VPS13A: variants seen among roughly 807,000 people sequenced by gnomAD.
VPS13A encodes intermembrane lipid transfer protein VPS13A.
Under a neutral mutation model 390.9 loss-of-function variants are expected in VPS13A, and 264 were observed. The ratio of observed to expected loss-of-function variants is 0.68; its 90% CI spans 0.61 to 0.75. The LOEUF (loss-of-function observed/expected upper bound fraction) is 0.75, where lower values mean the gene tolerates loss of function less well. VPS13A is among the 30% of genes least tolerant of loss of function. VPS13A has a pLI of 0.00. For synonymous variants in VPS13A, 1,231 were observed against 1,227.1 expected (o/e 1.00, Z -0.07); for missense variants, 3,409 against 3,733.9 (o/e 0.91, Z 2.27).
At chr9:77,365,811 C>G (rs902178070) in intron 60 of VPS13A, among the ~76,000 whole-genome samples, 2 of 151,932 alleles carry the variant, frequency 1.3e-5, no homozygotes, top group Admixed American at 1.3e-4. Flanking sequence ...CCTTGATTTT[C>G]TGTTAAGCTG....
At chr9:77,259,085 G>A (rs1825612569) in intron 22 of VPS13A, among the ~76,000 whole-genome samples, 6 of 152,136 alleles carry the variant, frequency 3.9e-5, no homozygotes, top group Admixed American at 3.9e-4. Flanking sequence ...TGAAATCTTA[G>A]AAGTTATTTG....
At chr9:77,274,664 A>G (rs1384675861) in intron 24 of VPS13A, among the ~76,000 whole-genome samples, 3 of 152,026 alleles carry the variant, frequency 2.0e-5, no homozygotes, top group Non-Finnish European at 4.4e-5. Context: ...TTCTGATACC[A>G]AATATGTGCT....
At chr9:77,219,171 T>C (rs1373415777) in intron 10 of VPS13A, among the ~76,000 whole-genome samples, 1 of 151,994 alleles carries the variant, frequency 6.6e-6, no homozygotes, top group Non-Finnish European at 1.5e-5. Context: ...CTGCTTTTTT[T>C]TTTCAATGTA....
intron 3 of VPS13A, among the ~76,000 whole-genome samples, chr9:77,203,099 G>A (rs940075835): frequency 2.0e-4 from 31 of 152,204 alleles, no homozygotes; most frequent in African/African-American, 7.5e-4. Context: ...ATTGGGTATT[G>A]ATCTTTCAAA....
At chr9:77,193,751 T>G (rs1824824207) in intron 1 of VPS13A, among the ~76,000 whole-genome samples, 2 of 152,324 alleles carry the variant, frequency 1.3e-5, no homozygotes, top group Middle Eastern at 6.8e-3. Flanking sequence ...TTCTTTCTCA[T>G]CTTTGTGGGC....
chr9:77,357,655 A>G, intron 55 of VPS13A, 37 bp from the exon 56 acceptor site: 1 of 1,602,214 alleles, frequency 6.2e-7, no homozygotes, highest in Non-Finnish European at 8.5e-7. Flanking sequence ...ATTTATAGAT[A>G]AATTAATTTT....
intron 67 of VPS13A, among the ~76,000 whole-genome samples, chr9:77,377,417 C>CAA (rs1833164934): frequency 1.3e-5 from 2 of 152,018 alleles, no homozygotes; most frequent in East Asian, 3.9e-4. Context: ...GACGGGGTTT[C>CAA]ACCTTGTTAG....
At chr9:77,291,693 C>G (rs192717728) in intron 31 of VPS13A, among the ~76,000 whole-genome samples, 1 of 152,224 alleles carries the variant, frequency 6.6e-6, no homozygotes, top group East Asian at 1.9e-4. Flanking sequence ...GTTAGAGGCT[C>G]CTGCTGCTTG....
chr9:77,225,711 C>T (rs1823469292), intron 13 of VPS13A, among the ~76,000 whole-genome samples: 1 of 151,944 alleles, frequency 6.6e-6, no homozygotes, highest in South Asian at 2.1e-4. Flanking sequence ...TTTCATTTTT[C>T]AAAAAATTAC....
chr9:77,343,065 G>A (rs1156683531), intron 50 of VPS13A, among the ~76,000 whole-genome samples: 1 of 152,180 alleles, frequency 6.6e-6, no homozygotes, highest in African/African-American at 2.4e-5. Context: ...CTGATCATCT[G>A]TGTTCCAGTT....
At chr9:77,403,458 T>C in intron 69 of VPS13A, 137 bp downstream of exon 69, 1 of 751,142 alleles carries the variant, frequency 1.3e-6, no homozygotes, top group South Asian at 1.5e-5. Flanking sequence ...CAAGCCTAAC[T>C]CGCTAAACAT....
rs769271046 is a variant in VPS13A at position 77,283,338 on chromosome 9, T to A, written c.3119-17T>A. On this transcript the variant is annotated splice_polypyrimidine_tract_variant and intron_variant, in intron 29 of 71. Coordinates refer to ENST00000360280, the MANE Select transcript of VPS13A (RefSeq NM_033305.3). ...ATGTTTTTCCTCATGTTTTATAATA[T>A]GAATTTTTTTTTGCAGCTTTAAAAC... 7.0e-7 allele frequency: 1 copy of A among 1,430,296 alleles called. No individual in the cohort carries two copies. The highest frequency in any genetic ancestry group is 1.2e-5 in the South Asian group (1 of 84,836). 88.6% of individuals were successfully genotyped at this position (1,430,296 alleles called of 1,614,324 possible).
At position 77,371,144 on chromosome 9, in the gene VPS13A, A is replaced by G; in HGVS notation, c.9072A>G (p.Ile3024Met). The change falls in exon 67 of 72, where the codon ATA becomes ATG. Residue 3024 changes from isoleucine to methionine, a missense_variant. By Grantham distance (10) the Ile-to-Met change is conservative. Around this residue, in one of 5 missense-constraint regions of VPS13A, gnomAD observed 318 missense variants for 333.7 expected, o/e 0.95. Transcript: ENST00000360280. ...TGGCTAGCAGTACATTTCAGGGAAT[A>G]AAAAGGTAAATCCTCTTTGGTGTAA... The part of the protein sequence containing the change: ...IDMASSTFQG[I>M]KRATETSEVE... The G allele has an allele frequency of 2.5e-6, 4 of 1,613,916 alleles. No homozygotes were observed. The highest frequency in any genetic ancestry group is 1.1e-5 in the South Asian group (1 of 91,052).
chr9:77,405,660 T>G (rs1281334026), intron 69 of VPS13A, among the ~76,000 whole-genome samples: 2 of 152,196 alleles, frequency 1.3e-5, no homozygotes, highest in Admixed American at 1.3e-4. Context: ...TTGTTATCTT[T>G]TTGTTTGGGT....
At chr9:77,185,147 C>T (rs1054837866) in intron 1 of VPS13A, among the ~76,000 whole-genome samples, 1 of 144,774 alleles carries the variant, frequency 6.9e-6, no homozygotes, top group African/African-American at 2.5e-5. Context: ...GACATTATCT[C>T]TTTTTTTTTT....
At chr9:77,372,345 T>C (rs1243818889) in intron 67 of VPS13A, among the ~76,000 whole-genome samples, 2 of 152,160 alleles carry the variant, frequency 1.3e-5, no homozygotes, top group African/African-American at 2.4e-5. Context: ...ATTGCCATTC[T>C]AACTGGTGTG....
intron 23 of VPS13A, among the ~76,000 whole-genome samples, chr9:77,263,863 GT>G (rs1220406729): frequency 3.3e-5 from 5 of 152,112 alleles, no homozygotes; most frequent in Non-Finnish European, 2.9e-5. Context: ...TCCTTCTAGA[GT>G]TTTTATGGTT....
chr9:77,404,410 ATATT>A (rs1319111028), intron 69 of VPS13A, among the ~76,000 whole-genome samples: 15 of 152,136 alleles, frequency 9.9e-5, no homozygotes, highest in African/African-American at 3.4e-4. Context: ...TTCCTGCCTA[ATATT>A]TATTTAGGAG....
At chr9:77,407,841 C>CTTAT (rs1368791379) in intron 71 of VPS13A, among the ~76,000 whole-genome samples, 3 of 152,202 alleles carry the variant, frequency 2.0e-5, no homozygotes, top group East Asian at 3.9e-4. Flanking sequence ...ATTGCTCCAT[C>CTTAT]TTATTTTAAA....
Sources: gnomAD v4.1 joint callset for allele counts (sites outside exome capture counted in the v4.1 genomes callset) on GRCh38, gnomAD v4.1.1 for gene constraint, gnomAD v4.1.1 regional missense constraint, MANE v1.5 for transcripts, NCBI Gene and HGNC (gene_info 2026-07-23, HGNC 2026-07-21) for gene names.